The following USP10 variants were observed in gnomAD, a reference collection of about 807,000 sequenced individuals.
USP10 encodes ubiquitin specific peptidase 10, also known as ubiquitin carboxyl-terminal hydrolase 10.
USP10 carries 22 observed loss-of-function variants against 84.5 expected under a neutral mutation model. The ratio of observed to expected loss-of-function variants is 0.26; its 90% CI spans 0.19 to 0.37. The LOEUF (loss-of-function observed/expected upper bound fraction) is 0.37. USP10 is among the 10% of genes least tolerant of loss of function. USP10 has a pLI of 1.00. For missense variants in USP10, 1,019 were observed against 998.9 expected, an observed-to-expected ratio of 1.02 and a Z score of -0.27; for synonymous variants, 454 against 387.6, an observed-to-expected ratio of 1.17 and a Z score of -2.01.
intron 1 of USP10, among the ~76,000 whole-genome samples, chr16:84,730,469 C>A (rs1909067779): frequency 6.6e-6 from 1 of 152,080 alleles, no homozygotes; most frequent in African/African-American, 2.4e-5. Context: ...ATAACATTTT[C>A]TCAGATACTT....
intron 8 of USP10, among the ~76,000 whole-genome samples, chr16:84,760,674 A>G (rs1244148861): frequency 6.6e-6 from 1 of 152,162 alleles, no homozygotes; most frequent in Non-Finnish European, 1.5e-5. Context: ...TGTCTTCATC[A>G]TACTTACAGG....
rs537583328 is a variant in USP10, at chr16:84,744,664, C to A, written c.183C>A (p.Val61=). ...GQEYQRIEFG[V]DEVIEPSDTL... is the part of the protein sequence containing the mutation. The stretch of plus-strand genomic sequence containing the variant: ...AATATCAGAGAATTGAGTTTGGTGT[C>A]GATGAAGTCATTGAACCCAGTGACA... The change falls in exon 4 of 14, where the codon GTC becomes GTA. Residue 61 remains valine (V), a synonymous_variant. Coordinates refer to ENST00000219473, the MANE Select transcript of USP10 (RefSeq NM_005153.3). 3 of 1,611,934 alleles carry A rather than the reference C, an allele frequency of 1.9e-6. No homozygotes were observed. The highest frequency in any genetic ancestry group is 2.5e-6 in the Non-Finnish European group (3 of 1,178,746).
At chr16:84,731,555 T>C (rs938394162) in intron 1 of USP10, among the ~76,000 whole-genome samples, 9 of 152,198 alleles carry the variant, frequency 5.9e-5, no homozygotes, top group African/African-American at 1.7e-4. Context: ...GAAAGTGTTC[T>C]TTCTCTTTTG....
chr16:84,707,895 G>A (rs553131284), intron 1 of USP10, among the ~76,000 whole-genome samples: 2 of 151,390 alleles, frequency 1.3e-5, no homozygotes, highest in East Asian at 3.9e-4. Flanking sequence ...CCTGGGCAAC[G>A]TAGCAAAACT....
At chr16:84,716,996 A>G (rs1907106956) in intron 1 of USP10, among the ~76,000 whole-genome samples, 1 of 152,222 alleles carries the variant, frequency 6.6e-6, no homozygotes, top group Non-Finnish European at 1.5e-5. Flanking sequence ...CTTCGGGATT[A>G]CATGAGATAG....
chr16:84,775,281 C>T (rs1318428826), intron 13 of USP10, 56 bp downstream of exon 13: 6 of 1,557,476 alleles, frequency 3.9e-6, no homozygotes, highest in South Asian at 2.2e-5. Flanking sequence ...AAGGGGTTTA[C>T]AGCTGGGCAC....
At position 84,772,489 on chromosome 16, in the gene USP10, G is replaced by C. The variant is rs770335149; in HGVS notation, c.1999-52G>C. On this transcript the variant is annotated intron_variant, in intron 11 of 13. Transcript: ENST00000219473. ...TGAGCGGAAGGTGGATGTGGTGTTA[G>C]CTGTTGCAAGTAAGACAGGGACGGT... The C allele has an allele frequency of 7.8e-4, 1,256 of 1,607,476 alleles. 2 individuals are homozygous for C. The highest frequency in any genetic ancestry group is 9.4e-4 in the Non-Finnish European group (1,104 of 1,175,892).
chr16:84,755,129 C>T (rs991493630), intron 4 of USP10, among the ~76,000 whole-genome samples: 2 of 151,248 alleles, frequency 1.3e-5, no homozygotes, highest in Middle Eastern at 3.4e-3. Flanking sequence ...GGGTCAACAA[C>T]GAAGGGAAGT....
chr16:84,734,631 A>T (rs1909659980), intron 2 of USP10, among the ~76,000 whole-genome samples: 1 of 152,164 alleles, frequency 6.6e-6, no homozygotes, highest in Admixed American at 6.5e-5. Context: ...GTACACTTTC[A>T]ACTTTAATGT....
chr16:84,747,371 A>T lies in USP10; in HGVS notation c.1192+1698A>T, dbSNP rs1597357721. ...GTCAGAATTGTGTAAAAAATAAAACACATTCTTTGGGTGGCAATAGGGTGA... is the reference window on the plus strand; with the variant it reads ...GTCAGAATTGTGTAAAAAATAAAACTCATTCTTTGGGTGGCAATAGGGTGA... On this transcript the variant is annotated intron_variant, in intron 4 of 13. Coordinates refer to ENST00000219473, the MANE Select transcript of USP10 (RefSeq NM_005153.3). 5.3e-5 allele frequency among the ~76,000 whole-genome samples: 8 copies of T among 152,308 alleles called. No homozygotes were observed. The South Asian group carries it at 1.7e-3, about 32-fold the overall frequency.
intron 1 of USP10, among the ~76,000 whole-genome samples, chr16:84,724,452 G>A (rs1284563417): frequency 1.3e-5 from 2 of 152,184 alleles, no homozygotes; most frequent in Non-Finnish European, 2.9e-5. Context: ...AAACAGGGAA[G>A]TAGACACTCA....
At chr16:84,714,241 T>C (rs955441050) in intron 1 of USP10, among the ~76,000 whole-genome samples, 1 of 152,192 alleles carries the variant, frequency 6.6e-6, no homozygotes. Flanking sequence ...AGCCAGCTCG[T>C]TGTGGTTTGT....
intron 2 of USP10, among the ~76,000 whole-genome samples, chr16:84,738,721 C>G (rs972450449): frequency 6.6e-6 from 1 of 152,208 alleles, no homozygotes; most frequent in Non-Finnish European, 1.5e-5. Flanking sequence ...TTGAATTGCC[C>G]TGTGTTTTCC....
In USP10 at chr16:84,778,911, C is replaced by G. The variant is rs930609500; in HGVS notation, c.2226C>G (p.Gly742=). 5 of 1,613,392 alleles carry G rather than the reference C, an allele frequency of 3.1e-6. No individual in the cohort carries two copies. In the African/African-American group the frequency reaches 6.7e-5, roughly 22 times the overall value. The change falls in exon 14 of 14, where the codon GGC becomes GGG. Residue 742 remains glycine (G), a synonymous_variant. Transcript: ENST00000219473. ...CTCTTCCAGTGGTCTACCATCACGG[C>G]AACAGTGCGACGGGCGGCCATTACA... The part of the protein sequence containing the change: ...YRLFAVVYHH[G]NSATGGHYTT...
At chr16:84,777,482 C>G (rs1452550248) in intron 13 of USP10, among the ~76,000 whole-genome samples, 1 of 152,198 alleles carries the variant, frequency 6.6e-6, no homozygotes, top group Non-Finnish European at 1.5e-5. Context: ...CCTGCCCTTT[C>G]ACAAGATGGC....
intron 4 of USP10, among the ~76,000 whole-genome samples, chr16:84,746,320 A>G (rs1441007785): frequency 6.6e-6 from 1 of 152,246 alleles, no homozygotes; most frequent in Non-Finnish European, 1.5e-5. Flanking sequence ...GCAGCAGGGT[A>G]TGAAAGAGGT....
intron 4 of USP10, among the ~76,000 whole-genome samples, chr16:84,757,402 G>GTGTGT (rs1555546471): frequency 0.011 from 874 of 82,824 alleles, 10 homozygotes; most frequent in South Asian, 0.034. Flanking sequence ...GAGGGGTGGG[G>GTGTGT]GTGTGTGTGT....
intron 11 of USP10, among the ~76,000 whole-genome samples, chr16:84,768,780 A>T (rs79015035): frequency 4.7e-4 from 71 of 152,282 alleles, no homozygotes; most frequent in African/African-American, 1.6e-3. Context: ...TAGATCTTCC[A>T]GGTCATTGTA....
At chr16:84,717,634 A>T (rs1907217843) in intron 1 of USP10, among the ~76,000 whole-genome samples, 1 of 152,092 alleles carries the variant, frequency 6.6e-6, no homozygotes. Flanking sequence ...GGAGGCCACT[A>T]CCTAGGTTAT....
Sources: allele counts gnomAD v4.1 joint callset (sites outside exome capture counted in the v4.1 genomes callset), GRCh38; gene constraint gnomAD v4.1.1; transcripts MANE v1.5; gene names NCBI Gene and HGNC (gene_info 2026-07-23, HGNC 2026-07-21).